GTF2E2: variants seen among roughly 807,000 people sequenced by gnomAD.
GTF2E2 encodes transcription initiation factor IIE subunit beta.
A neutral mutation model predicts 40.5 loss-of-function variants in GTF2E2; 21 were observed. That is an observed-to-expected ratio of 0.52 (90% CI 0.37 to 0.75). The LOEUF is 0.75. GTF2E2 is among the 30% of genes least tolerant of loss of function. GTF2E2 has a pLI of 0.00. For synonymous variants in GTF2E2, 117 were observed against 121.6 expected, an observed-to-expected ratio of 0.96 and a Z score of 0.25; for missense variants, 298 against 338.4, an observed-to-expected ratio of 0.88 and a Z score of 0.94.
chr8:30,622,935 C>T (rs1465273575), intron 3 of GTF2E2, among the ~76,000 whole-genome samples: 2 of 152,076 alleles, frequency 1.3e-5, no homozygotes, highest in African/African-American at 2.4e-5. Flanking sequence ...AACACACATG[C>T]TCTACAATTT....
intron 7 of GTF2E2, among the ~76,000 whole-genome samples, chr8:30,580,029 G>C (rs1828468631): frequency 6.6e-6 from 1 of 152,182 alleles, no homozygotes; most frequent in Non-Finnish European, 1.5e-5. Flanking sequence ...CACAGGCCCT[G>C]GAAGGTTCCA....
At chr8:30,616,121 G>A (rs1386418455) in intron 3 of GTF2E2, among the ~76,000 whole-genome samples, 5 of 152,112 alleles carry the variant, frequency 3.3e-5, no homozygotes, top group Non-Finnish European at 5.9e-5. Context: ...TCCGGAAAAG[G>A]CAAAAACCAT....
At chr8:30,646,846 G>C (rs917751432) in intron 2 of GTF2E2, among the ~76,000 whole-genome samples, 27 of 151,860 alleles carry the variant, frequency 1.8e-4, no homozygotes, top group Admixed American at 1.5e-3. Flanking sequence ...CGGGCATGGT[G>C]GTGGGCACCT....
chr8:30,599,139 G>C (rs1829096989), intron 6 of GTF2E2, among the ~76,000 whole-genome samples: 1 of 152,094 alleles, frequency 6.6e-6, no homozygotes, highest in Non-Finnish European at 1.5e-5. Flanking sequence ...GTATAAATTG[G>C]CCCAATTTTA....
At chr8:30,638,609 A>G (rs1563503334) in intron 2 of GTF2E2, 1 of 152,604 alleles carries the variant, frequency 6.6e-6, no homozygotes, top group Non-Finnish European at 1.5e-5. Context: ...AGACGATACC[A>G]TCGCTTCAGC....
chr8:30,595,694 T>C (rs1432251698), intron 6 of GTF2E2, among the ~76,000 whole-genome samples: 1 of 152,072 alleles, frequency 6.6e-6, no homozygotes, highest in African/African-American at 2.4e-5. Context: ...TAGCTAGATG[T>C]AGTGGCATGT....
chr8:30,618,832 G>T (rs754871326), intron 3 of GTF2E2, among the ~76,000 whole-genome samples: 5 of 152,158 alleles, frequency 3.3e-5, no homozygotes, highest in Non-Finnish European at 7.4e-5. Flanking sequence ...AGAGCATTTT[G>T]AAAAGACTGG....
intron 3 of GTF2E2, among the ~76,000 whole-genome samples, chr8:30,630,330 T>C (rs1211651932): frequency 6.6e-6 from 1 of 152,204 alleles, no homozygotes; most frequent in East Asian, 1.9e-4. Context: ...TCTTTCTATT[T>C]AGTACTTTGT....
At chr8:30,585,723 A>G (rs531198154) in intron 6 of GTF2E2, among the ~76,000 whole-genome samples, 1 of 144,308 alleles carries the variant, frequency 6.9e-6, no homozygotes, top group Non-Finnish European at 1.5e-5. Context: ...TCAGCCCCAC[A>G]TTAGGCTATG....
At chr8:30,595,860 G>A (rs931423520) in intron 6 of GTF2E2, among the ~76,000 whole-genome samples, 1 of 151,752 alleles carries the variant, frequency 6.6e-6, no homozygotes, top group Admixed American at 6.6e-5. Flanking sequence ...AAAGGGGAAG[G>A]GGAAGGAAAA....
chr8:30,627,666 TA>T (rs1298968001), intron 3 of GTF2E2, among the ~76,000 whole-genome samples: 1 of 152,050 alleles, frequency 6.6e-6, no homozygotes, highest in Non-Finnish European at 1.5e-5. Flanking sequence ...CATCACTATT[TA>T]AAAAAAGTCT....
intron 1 of GTF2E2, among the ~76,000 whole-genome samples, chr8:30,655,445 G>C (rs953158664): frequency 3.3e-5 from 5 of 152,154 alleles, no homozygotes; most frequent in Admixed American, 6.5e-5. Flanking sequence ...ACACTGTTAA[G>C]ACTAGTGTCA....
At chr8:30,639,688 T>A (rs924020799) in intron 2 of GTF2E2, among the ~76,000 whole-genome samples, 3 of 152,170 alleles carry the variant, frequency 2.0e-5, no homozygotes, top group African/African-American at 7.2e-5. Context: ...ACTCCATCTA[T>A]ATACTATATC....
chr8:30,605,142 T>C (rs754724340), intron 6 of GTF2E2, among the ~76,000 whole-genome samples: 17 of 152,220 alleles, frequency 1.1e-4, no homozygotes, highest in Non-Finnish European at 2.2e-4. Context: ...CGCCTCAAGT[T>C]AAACATCTGC....
chr8:30,603,615 A>G (rs571099177), intron 6 of GTF2E2, among the ~76,000 whole-genome samples: 1 of 152,298 alleles, frequency 6.6e-6, no homozygotes, highest in African/African-American at 2.4e-5. Flanking sequence ...TTATAAACTA[A>G]AAACTCTGCA....
chr8:30,618,105 T>A (rs898305712), intron 3 of GTF2E2, among the ~76,000 whole-genome samples: 2 of 152,156 alleles, frequency 1.3e-5, no homozygotes, highest in African/African-American at 4.8e-5. Context: ...AAGACCAGCC[T>A]GACCAACATA....
At chr8:30,624,475 G>A (rs1352195742) in intron 3 of GTF2E2, among the ~76,000 whole-genome samples, 1 of 152,118 alleles carries the variant, frequency 6.6e-6, no homozygotes, top group Non-Finnish European at 1.5e-5. Flanking sequence ...TTTTGGCTTA[G>A]GACTGACTTC....
intron 6 of GTF2E2, among the ~76,000 whole-genome samples, chr8:30,584,301 T>C (rs1267164240): frequency 6.6e-6 from 1 of 152,160 alleles, no homozygotes; most frequent in Non-Finnish European, 1.5e-5. Context: ...GAATCAATGA[T>C]TTCTTCAAGG....
At chr8:30,592,167 T>C (rs1208138984) in intron 6 of GTF2E2, among the ~76,000 whole-genome samples, 1 of 152,026 alleles carries the variant, frequency 6.6e-6, no homozygotes, top group Non-Finnish European at 1.5e-5. Context: ...CACTTGAGCC[T>C]AGGGGTTCAA....
Sources: gnomAD v4.1 joint callset for allele counts (sites outside exome capture counted in the v4.1 genomes callset) on GRCh38, gnomAD v4.1.1 for gene constraint, MANE v1.5 for transcripts, NCBI Gene and HGNC (gene_info 2026-07-23, HGNC 2026-07-21) for gene names.